LINGO2: variants seen among roughly 807,000 people sequenced by gnomAD.
The protein encoded by LINGO2 is leucine-rich repeat and immunoglobulin-like domain-containing nogo receptor-interacting protein 2.
In LINGO2, 14 loss-of-function variants were observed where a neutral mutation model predicts 30.6. The observed-to-expected ratio is 0.46, with a 90% CI of 0.30 to 0.72. The LOEUF is 0.72. Among genes scored for constraint, LINGO2 ranks in the 30% least tolerant of loss-of-function variants. LINGO2 has a pLI of 0.07. For missense variants in LINGO2, 729 were observed against 751.7 expected (o/e 0.97, Z 0.35); for synonymous variants, 317 against 288.5 (o/e 1.10, Z -1.00).
At chr9:28,039,352 T>TG (rs1194821612) in intron 4 of LINGO2, among the ~76,000 whole-genome samples, 12 of 152,158 alleles carry the variant, frequency 7.9e-5, no homozygotes, top group Admixed American at 1.3e-4. Flanking sequence ...AGTGCAAAGG[T>TG]GATCTGGGAT....
At chr9:28,883,628 G>GTGTGTGTATATATATATATATATA in the LINGO2 span, among the ~76,000 whole-genome samples, 1 of 64,180 alleles carries the variant, frequency 1.6e-5, no homozygotes, top group Non-Finnish European at 3.0e-5. Context: ...ATGTGTGTGT[G>GTGTGTGTATATATATATATATATA]TATATATATA....
At chr9:28,354,284 T>C (rs1020042615) in intron 3 of LINGO2, among the ~76,000 whole-genome samples, 21 of 152,346 alleles carry the variant, frequency 1.4e-4, no homozygotes, top group African/African-American at 4.1e-4. Flanking sequence ...GGATGTACTA[T>C]GTTGCGGTTC....
the LINGO2 span, among the ~76,000 whole-genome samples, chr9:29,134,576 C>T: frequency 2.0e-4 from 30 of 152,038 alleles, no homozygotes; most frequent in African/African-American, 6.7e-4. Flanking sequence ...AAAGACCAAT[C>T]GATGAACTGA....
the LINGO2 span, among the ~76,000 whole-genome samples, chr9:28,956,862 A>G: frequency 6.6e-6 from 1 of 150,762 alleles, no homozygotes; most frequent in Non-Finnish European, 1.5e-5. Context: ...CCACAATGAA[A>G]GAAAATATTT....
chr9:28,091,168 C>A (rs1170398390), intron 4 of LINGO2, among the ~76,000 whole-genome samples: 1 of 152,080 alleles, frequency 6.6e-6, no homozygotes, highest in African/African-American at 2.4e-5. Context: ...CAATGCCATC[C>A]CCATCAAGCT....
chr9:28,200,387 C>T (rs903872005), intron 4 of LINGO2, among the ~76,000 whole-genome samples: 6 of 151,890 alleles, frequency 4.0e-5, no homozygotes, highest in Admixed American at 6.6e-5. Context: ...AATAAGACCA[C>T]GTTAAGATCA....
At chr9:28,323,450 AT>A (rs1825118487) in intron 3 of LINGO2, among the ~76,000 whole-genome samples, 1 of 152,268 alleles carries the variant, frequency 6.6e-6, no homozygotes, top group Non-Finnish European at 1.5e-5. Flanking sequence ...AAATACAAAA[AT>A]TAGCCAGGTG....
At chr9:28,342,426 T>A (rs549917821) in intron 3 of LINGO2, among the ~76,000 whole-genome samples, 1 of 152,246 alleles carries the variant, frequency 6.6e-6, no homozygotes. Flanking sequence ...TATGGAGATG[T>A]ACAATTCTAG....
At chr9:28,036,131 T>C (rs1412072473) in intron 4 of LINGO2, among the ~76,000 whole-genome samples, 1 of 152,178 alleles carries the variant, frequency 6.6e-6, no homozygotes, top group Non-Finnish European at 1.5e-5. Flanking sequence ...GAGGCAGTAA[T>C]TATATTAGAA....
intron 4 of LINGO2, among the ~76,000 whole-genome samples, chr9:28,052,737 TTTC>T (rs1225815698): frequency 4.6e-5 from 7 of 152,064 alleles, no homozygotes; most frequent in Admixed American, 3.9e-4. Context: ...GTAAAAGAAT[TTTC>T]TTAAGGAATC....
At chr9:27,993,280 A>G (rs541065461) in intron 5 of LINGO2, among the ~76,000 whole-genome samples, 1 of 152,086 alleles carries the variant, frequency 6.6e-6, no homozygotes, top group African/African-American at 2.4e-5. Flanking sequence ...TGTTGAGGTA[A>G]TATTTTGAAC....
chr9:28,672,231 A>G (rs1214255234), upstream of LINGO2, among the ~76,000 whole-genome samples: 3 of 152,080 alleles, frequency 2.0e-5, no homozygotes, highest in Admixed American at 2.0e-4. Context: ...ACCCTAAAAC[A>G]CCAAGAATGG....
chr9:28,432,452 A>C (rs900218173), intron 2 of LINGO2, among the ~76,000 whole-genome samples: 2 of 151,900 alleles, frequency 1.3e-5, no homozygotes, highest in African/African-American at 4.8e-5. Context: ...AATTTCAAGA[A>C]AAAGAAAGGA....
chr9:28,992,982 A>G, the LINGO2 span, among the ~76,000 whole-genome samples: 1 of 151,852 alleles, frequency 6.6e-6, no homozygotes, highest in Non-Finnish European at 1.5e-5. Flanking sequence ...AACACATTCA[A>G]AAGCTAGCAG....
intron 4 of LINGO2, among the ~76,000 whole-genome samples, chr9:28,289,887 T>A (rs923127338): frequency 2.6e-5 from 4 of 152,154 alleles, no homozygotes; most frequent in Non-Finnish European, 2.9e-5. Flanking sequence ...ACATTGTAAT[T>A]CAGGAATGCC....
At chr9:28,526,765 G>T (rs1821054430) in intron 1 of LINGO2, among the ~76,000 whole-genome samples, 1 of 152,188 alleles carries the variant, frequency 6.6e-6, no homozygotes, top group Admixed American at 6.5e-5. Context: ...AGGATGCCAT[G>T]TGGCCTGCCC....
At chr9:28,123,576 A>C (rs1406633888) in intron 4 of LINGO2, among the ~76,000 whole-genome samples, 1 of 152,226 alleles carries the variant, frequency 6.6e-6, no homozygotes. Context: ...TCTGGCATTC[A>C]AAAATGCTTC....
At chr9:28,817,620 G>A in the LINGO2 span, among the ~76,000 whole-genome samples, 2 of 152,158 alleles carry the variant, frequency 1.3e-5, no homozygotes, top group African/African-American at 4.8e-5. Context: ...AAAGTCTCAA[G>A]GAAGCACTCA....
chr9:29,199,777 T>G, the LINGO2 span, among the ~76,000 whole-genome samples: 1 of 152,150 alleles, frequency 6.6e-6, no homozygotes. Flanking sequence ...ATCTGACATT[T>G]TATTCATGAG....
Sources: allele counts gnomAD v4.1 joint callset (sites outside exome capture counted in the v4.1 genomes callset), GRCh38; gene constraint gnomAD v4.1.1; transcripts MANE v1.5; gene names NCBI Gene and HGNC (gene_info 2026-07-23, HGNC 2026-07-21).